TENM4: variants seen among roughly 807,000 people sequenced by gnomAD.
TENM4 encodes teneurin-4.
TENM4 carries 82 observed loss-of-function variants against 243.3 expected under a neutral mutation model. That is an observed-to-expected ratio of 0.34 (90% CI 0.28 to 0.40). The LOEUF (loss-of-function observed/expected upper bound fraction) is 0.40. Among genes scored for constraint, TENM4 ranks in the 10% least tolerant of loss-of-function variants. TENM4 has a pLI of 1.00. For synonymous variants in TENM4, 1,412 were observed against 1,456.3 expected (o/e 0.97, Z 0.69); for missense variants, 3,138 against 3,673.3 (o/e 0.85, Z 3.77).
At chr11:79,260,178 C>T (rs1009660730) in intron 2 of TENM4, among the ~76,000 whole-genome samples, 3 of 152,076 alleles carry the variant, frequency 2.0e-5, no homozygotes, top group African/African-American at 4.8e-5. Flanking sequence ...ATCGGTGAGC[C>T]GATAGTCACT....
intron 19 of TENM4, among the ~76,000 whole-genome samples, chr11:78,740,779 C>T (rs1855912344): frequency 6.6e-6 from 1 of 152,220 alleles, no homozygotes; most frequent in African/African-American, 2.4e-5. Context: ...TGGGGCTGTC[C>T]TGGCTGCTGC....
chr11:78,840,715 G>A (rs1345033713), intron 12 of TENM4, among the ~76,000 whole-genome samples: 1 of 152,160 alleles, frequency 6.6e-6, no homozygotes, highest in Admixed American at 6.5e-5. Flanking sequence ...AGCATCCTCA[G>A]TCTGAACTGT....
intron 1 of TENM4, among the ~76,000 whole-genome samples, chr11:79,357,411 G>A (rs1401429185): frequency 2.0e-5 from 3 of 152,166 alleles, no homozygotes; most frequent in African/African-American, 7.2e-5. Context: ...AACCTAACCT[G>A]GGGACAATCC....
rs1353879828 is a variant in TENM4 at position 79,076,130 on chromosome 11, C to T, written c.-65-6121G>A. Among the ~76,000 whole-genome samples, 4 of 152,174 alleles carry T rather than the reference C, an allele frequency of 2.6e-5. No homozygotes were observed. In the East Asian group the frequency reaches 7.7e-4, roughly 29 times the overall value. On this transcript the variant is annotated intron_variant, in intron 4 of 33. Transcript: ENST00000278550. ...GGGAAGAAGACATATGTGTTGAGCA[C>T]AGTGCTTTTCACATACCCCCATGAA...
chr11:78,803,248 T>G (rs1279974357), intron 15 of TENM4, among the ~76,000 whole-genome samples: 2 of 152,160 alleles, frequency 1.3e-5, no homozygotes, highest in Admixed American at 6.5e-5. Flanking sequence ...CAGGCTGGTC[T>G]TGAACTCCTT....
At chr11:79,376,920 C>T (rs984360460) in intron 1 of TENM4, among the ~76,000 whole-genome samples, 3 of 152,152 alleles carry the variant, frequency 2.0e-5, no homozygotes, top group South Asian at 2.1e-4. Flanking sequence ...TACTATCCCT[C>T]GGAACAGGGA....
At chr11:79,061,252 C>G (rs747523) in intron 6 of TENM4, among the ~76,000 whole-genome samples, 1 of 152,094 alleles carries the variant, frequency 6.6e-6, no homozygotes, top group African/African-American at 2.4e-5. Context: ...TACCGCATAA[C>G]GAAGCTGTTA....
chr11:79,204,373 T>A (rs1863805827), intron 3 of TENM4, among the ~76,000 whole-genome samples: 2 of 152,148 alleles, frequency 1.3e-5, no homozygotes, highest in Admixed American at 6.5e-5. Flanking sequence ...AGTAAAAGCA[T>A]CTGGAATTAT....
intron 6 of TENM4, among the ~76,000 whole-genome samples, chr11:78,976,904 A>T (rs534319689): frequency 3.3e-5 from 5 of 152,244 alleles, no homozygotes; most frequent in Non-Finnish European, 7.3e-5. Flanking sequence ...CTGGCACCGC[A>T]CTAAGCACTT....
At chr11:78,715,844 C>T (rs1293630472) in intron 25 of TENM4, among the ~76,000 whole-genome samples, 2 of 152,204 alleles carry the variant, frequency 1.3e-5, no homozygotes, top group Non-Finnish European at 2.9e-5. Flanking sequence ...CCTCCTGCCA[C>T]CTGGCCCTGG....
At chr11:78,765,493 T>A (rs1334108677) in intron 18 of TENM4, among the ~76,000 whole-genome samples, 1 of 152,232 alleles carries the variant, frequency 6.6e-6, no homozygotes, top group Non-Finnish European at 1.5e-5. Context: ...ATATATCAAT[T>A]ATCTATTGCA....
At position 78,729,577 on chromosome 11, in the gene TENM4, G is replaced by C. The variant is rs767950158; in HGVS notation, c.3205C>G (p.Pro1069Ala). Residue 1069 changes from proline to alanine, a missense_variant, in exon 22 of 34, where the codon CCT becomes GCT. By Grantham distance (27) the Pro-to-Ala change is conservative. Coordinates refer to ENST00000278550, the MANE Select transcript of TENM4 (RefSeq NM_001098816.3). Reference protein sequence around the residue: ...MRLSYLSSRTPGYKSVLRISL... With the variant: ...MRLSYLSSRTAGYKSVLRISL... The stretch of plus-strand genomic sequence containing the variant: ...ATCCTCAGGACAGATTTGTAGCCAG[G>C]GGTCCGGCTGCTCAGGTAGCTCAGC... 21 of 1,613,908 alleles carry C rather than the reference G, an allele frequency of 1.3e-5. No homozygotes were observed. Among genetic ancestry groups the C allele is most frequent in the Non-Finnish European group, 1.7e-5 (20 of 1,179,866 alleles).
intron 32 of TENM4, among the ~76,000 whole-genome samples, chr11:78,666,474 C>T (rs1468964093): frequency 6.6e-6 from 1 of 152,146 alleles, no homozygotes; most frequent in East Asian, 1.9e-4. Context: ...GGGTATTATA[C>T]CTCACTCCTC....
intron 19 of TENM4, among the ~76,000 whole-genome samples, chr11:78,744,479 C>A (rs1348209833): frequency 1.3e-5 from 2 of 152,188 alleles, no homozygotes. Context: ...TTCTTGCAGA[C>A]TTGTGGGGAG....
intron 6 of TENM4, among the ~76,000 whole-genome samples, chr11:79,002,575 T>A (rs539961351): frequency 6.6e-6 from 1 of 152,300 alleles, no homozygotes; most frequent in African/African-American, 2.4e-5. Context: ...GAAACAAGGC[T>A]AGTTGAGTGA....
intron 29 of TENM4, 25 bp downstream of exon 29, chr11:78,688,029 G>A (rs763262144): frequency 6.2e-7 from 1 of 1,610,354 alleles, no homozygotes; most frequent in African/African-American, 1.3e-5. Context: ...CTGCCTCAAA[G>A]TCCCCTGGCC....
At chr11:79,246,523 C>T (rs1855517215) in intron 2 of TENM4, among the ~76,000 whole-genome samples, 2 of 152,252 alleles carry the variant, frequency 1.3e-5, no homozygotes, top group East Asian at 1.9e-4. Flanking sequence ...CGGGAAATAA[C>T]CCAAACCCCT....
intron 7 of TENM4, among the ~76,000 whole-genome samples, chr11:78,899,730 T>A (rs1459418319): frequency 6.6e-6 from 1 of 152,104 alleles, no homozygotes; most frequent in African/African-American, 2.4e-5. Flanking sequence ...GAGCTGGTTG[T>A]TAAAAAGAGC....
At chr11:79,146,724 C>T (rs967070911) in intron 4 of TENM4, among the ~76,000 whole-genome samples, 6 of 152,128 alleles carry the variant, frequency 3.9e-5, no homozygotes, top group Non-Finnish European at 7.4e-5. Context: ...GTGAGAGATA[C>T]ATCCTATGCT....
Sources: gnomAD v4.1 joint callset for allele counts (sites outside exome capture counted in the v4.1 genomes callset) on GRCh38, gnomAD v4.1.1 for gene constraint, MANE v1.5 for transcripts, NCBI Gene and HGNC (gene_info 2026-07-23, HGNC 2026-07-21) for gene names.